PFKP: variants seen among roughly 807,000 people sequenced by gnomAD.
PFKP encodes the protein ATP-dependent 6-phosphofructokinase, platelet type.
Under a neutral mutation model 94.3 loss-of-function variants are expected in PFKP, and 101 were observed. The ratio of observed to expected loss-of-function variants is 1.07; its 90% CI spans 0.91 to 1.26. The LOEUF (loss-of-function observed/expected upper bound fraction) is 1.26, where lower values mean the gene tolerates loss of function less well. PFKP is among the 50% of genes most tolerant of loss of function. The pLI is 0.00. For synonymous variants in PFKP, 573 were observed against 432.6 expected, an observed-to-expected ratio of 1.32 and a Z score of -4.03; for missense variants, 1,145 against 1,103.3, an observed-to-expected ratio of 1.04 and a Z score of -0.53.
intron 6 of PFKP, 105 bp from the exon 7 acceptor site, chr10:3,105,288 A>G (rs1835423637): frequency 2.3e-6 from 3 of 1,298,264 alleles, no homozygotes; most frequent in Admixed American, 3.4e-5. Flanking sequence ...ATCCCGCTTC[A>G]TACCTGGCGT....
In PFKP at chr10:3,119,952, C is replaced by G. The variant is rs746161562; in HGVS notation, c.1591C>G (p.Pro531Ala). ...GGAGAAGCACGAGGAGTTCTGTGTC[C>G]CCATGGTCATGGTTCCCGCTACTGT... ...AREKHEEFCVPMVMVPATVSN... is the reference protein window; with the variant it reads ...AREKHEEFCVAMVMVPATVSN... Residue 531 changes from proline (P) to alanine (A), a missense_variant, in exon 16 of 22, where the codon CCC becomes GCC. Pro to Ala is a conservative substitution (Grantham distance 27, BLOSUM62 -1). This residue lies in a region of PFKP where 1,119 missense variants were observed against 1,062.8 expected (regional missense o/e 1.05). Coordinates refer to ENST00000381125, the MANE Select transcript of PFKP (RefSeq NM_002627.5). 6.2e-7 allele frequency: 1 copy of G among 1,614,054 alleles called. No individual in the cohort carries two copies. Among genetic ancestry groups the G allele is most frequent in the South Asian group, 1.1e-5 (1 of 91,068 alleles).
chr10:3,116,946 G>A (rs1836893187), intron 14 of PFKP, 100 bp downstream of exon 14: 3 of 930,090 alleles, frequency 3.2e-6, no homozygotes, highest in African/African-American at 1.6e-5. Context: ...TTGGATTCCT[G>A]GAAAGGCGTC....
chr10:3,080,488 G>C (rs1330953235), intron 1 of PFKP, among the ~76,000 whole-genome samples: 2 of 126,854 alleles, frequency 1.6e-5, no homozygotes, highest in Non-Finnish European at 3.1e-5. Flanking sequence ...CTGCACTCCA[G>C]CCTGGGAGAC....
chr10:3,122,937 A>G (rs1413041747), intron 16 of PFKP, among the ~76,000 whole-genome samples: 1 of 152,144 alleles, frequency 6.6e-6, no homozygotes, highest in Non-Finnish European at 1.5e-5. Context: ...TGGGCTCCAT[A>G]ATAGGAGTCT....
At chr10:3,099,172 A>G (rs533049058) in intron 2 of PFKP, 103 bp from the exon 3 acceptor site, 2 of 877,952 alleles carry the variant, frequency 2.3e-6, no homozygotes, top group East Asian at 2.5e-5. Context: ...ATGCTGAGGA[A>G]CTGACATTCA....
chr10:3,089,747 T>G (rs1228994726), intron 2 of PFKP, among the ~76,000 whole-genome samples: 1 of 151,030 alleles, frequency 6.6e-6, no homozygotes, highest in Non-Finnish European at 1.5e-5. Context: ...TTATTATATA[T>G]TATTAAACAT....
At chr10:3,111,513 C>T (rs1451495348) in intron 10 of PFKP, among the ~76,000 whole-genome samples, 1 of 152,094 alleles carries the variant, frequency 6.6e-6, no homozygotes, top group African/African-American at 2.4e-5. Context: ...TGAAACCACC[C>T]TTGTGTGGCT....
At position 3,101,367 on chromosome 10, in the gene PFKP, C is replaced by G. The variant is rs759258273; in HGVS notation, c.267C>G (p.Gly89=). The change falls in exon 4 of 22, where the codon GGC becomes GGG. Residue 89 remains glycine (G), a splice_region_variant and synonymous_variant. Transcript: ENST00000381125. The part of the protein sequence containing the change: ...WESVSSILQV[G]GTIIGSARCQ... ...AAATTAGCTGGTGTCTTTCCCAGGG[C>G]GGGACGATCATTGGCAGTGCGCGGT... is the stretch of plus-strand genomic sequence containing the variant. The G allele has an allele frequency of 6.3e-7, 1 of 1,580,690 alleles. No individual in the cohort carries two copies. The highest frequency in any genetic ancestry group is 8.6e-7 in the Non-Finnish European group (1 of 1,163,278).
chr10:3,094,444 G>T (rs760173123), intron 2 of PFKP, among the ~76,000 whole-genome samples: 86 of 152,212 alleles, frequency 5.7e-4, no homozygotes, highest in African/African-American at 2.0e-3. Context: ...AAATCCTGAG[G>T]CTGCTCTATA....
intron 1 of PFKP, among the ~76,000 whole-genome samples, chr10:3,080,471 T>A (rs1250540083): frequency 2.2e-5 from 3 of 137,618 alleles, no homozygotes; most frequent in Non-Finnish European, 4.5e-5. Context: ...GAGCCGAGAT[T>A]GCACCACTGC....
At chr10:3,110,627 C>G (rs1456542568) in intron 10 of PFKP, among the ~76,000 whole-genome samples, 1 of 152,038 alleles carries the variant, frequency 6.6e-6, no homozygotes, top group Non-Finnish European at 1.5e-5. Context: ...TGAAAGTCAC[C>G]TTGTAAACAT....
At chr10:3,104,945 G>A (rs1835389067) in intron 5 of PFKP, 170 bp from the exon 6 acceptor site, 1 of 693,340 alleles carries the variant, frequency 1.4e-6, no homozygotes, top group East Asian at 2.7e-5. Context: ...GTTTGCCTTA[G>A]TAGAAAATGG....
rs372438050 is a variant in PFKP at position 3,117,714 on chromosome 10, C to T, written c.1442+868C>T. Among the ~76,000 whole-genome samples the T allele has an allele frequency of 1.2e-4, 19 of 152,286 alleles. No individual in the cohort carries two copies. In the East Asian group the frequency reaches 2.3e-3, roughly 19 times the overall value. On this transcript the variant is annotated intron_variant, in intron 14 of 21. Transcript: ENST00000381125. The stretch of plus-strand genomic sequence containing the variant: ...GCTCTAGGTAGAGGCAGATGCATCC[C>T]TCGGTGTGCGTTCTGGGGCTGAGGA...
intron 20 of PFKP, among the ~76,000 whole-genome samples, chr10:3,134,996 G>A (rs1484203751): frequency 6.6e-5 from 10 of 152,206 alleles, no homozygotes; most frequent in Non-Finnish European, 1.5e-4. Context: ...AATTGTTCAT[G>A]TTTGTAGAAC....
At position 3,124,175 on chromosome 10, in the gene PFKP, C is replaced by T. The variant is rs75552741; in HGVS notation, c.1683+4131C>T. On this transcript the variant is annotated intron_variant, in intron 16 of 21. Coordinates refer to ENST00000381125, the MANE Select transcript of PFKP (RefSeq NM_002627.5). Reference sequence around the variant, plus strand: ...TCCGACTCTCCCAGGGAGGTGTGGGCGCCGCCCTGTGTCCCACCAGTAGCA... The same window carrying T: ...TCCGACTCTCCCAGGGAGGTGTGGGTGCCGCCCTGTGTCCCACCAGTAGCA... 7.2e-5 allele frequency among the ~76,000 whole-genome samples: 11 copies of T among 152,348 alleles called. 1 individual carries two copies. Among genetic ancestry groups the T allele is most frequent in the East Asian group, 1.9e-4 (1 of 5,176 alleles).
At chr10:3,079,021 G>C (rs1832812562) in intron 1 of PFKP, among the ~76,000 whole-genome samples, 2 of 152,316 alleles carry the variant, frequency 1.3e-5, no homozygotes, top group African/African-American at 4.8e-5. Context: ...CTCTCCACCT[G>C]TGAAACCCGG....
intron 3 of PFKP, 107 bp from the exon 4 acceptor site, chr10:3,101,258 G>C (rs1056933553): frequency 3.0e-6 from 3 of 984,196 alleles, no homozygotes; most frequent in Non-Finnish European, 4.5e-6. Context: ...ATGAAAATGA[G>C]AAAAATGTAA....
At position 3,109,338 on chromosome 10, in the gene PFKP, A is replaced by G. The variant is rs1411061275; in HGVS notation, c.964-17A>G. On this transcript the variant is annotated splice_polypyrimidine_tract_variant and intron_variant, in intron 9 of 21. Coordinates refer to ENST00000381125, the MANE Select transcript of PFKP (RefSeq NM_002627.5). ...GGACGGGAGGCTGCCCCTGACCCAC[A>G]TGGACCTGGTTTCCAGGCCAGCCGC... is the stretch of plus-strand genomic sequence containing the variant. 1.9e-6 allele frequency: 3 copies of G among 1,607,770 alleles called. No individual in the cohort carries two copies. The highest frequency in any genetic ancestry group is 2.2e-5 in the South Asian group (2 of 91,080).
chr10:3,132,584 G>A, intron 18 of PFKP, 143 bp downstream of exon 18: 1 of 626,850 alleles, frequency 1.6e-6, no homozygotes, highest in Non-Finnish European at 2.9e-6. Flanking sequence ...GCAGAAGACA[G>A]CTGTGGTGCA....
Sources: gnomAD v4.1 joint callset for allele counts (sites outside exome capture counted in the v4.1 genomes callset) on GRCh38, gnomAD v4.1.1 for gene constraint, gnomAD v4.1.1 regional missense constraint, MANE v1.5 for transcripts, NCBI Gene and HGNC (gene_info 2026-07-23, HGNC 2026-07-21) for gene names.